PLD1: variants seen among roughly 807,000 people sequenced by gnomAD.
The protein encoded by PLD1 is choline phosphatase 1.
PLD1 carries 112 observed loss-of-function variants against 137.1 expected under a neutral mutation model. The observed-to-expected ratio is 0.82, with a 90% CI of 0.70 to 0.96. The LOEUF (loss-of-function observed/expected upper bound fraction) is 0.96. Ranked by LOEUF, PLD1 falls within the 40% of genes least tolerant of loss-of-function variation. PLD1 has a pLI of 0.00. For synonymous variants in PLD1, 431 were observed against 454.7 expected, an observed-to-expected ratio of 0.95 and a Z score of 0.66; for missense variants, 1,321 against 1,342.0, an observed-to-expected ratio of 0.98 and a Z score of 0.24.
chr3:171,644,963 G>A lies in PLD1; in HGVS notation c.2490C>T (p.Asp830=), dbSNP rs1174672603. The change falls in exon 22 of 27, where the codon GAC becomes GAT. Residue 830 remains aspartate, a synonymous_variant. Coordinates refer to ENST00000351298, the MANE Select transcript of PLD1 (RefSeq NM_002662.5). The part of the protein sequence containing the change: ...VIPLLPGFEG[D]ISTGGGNALQ... ...GAGCATTTCCTCCGCCGGTTGAAAT[G>A]TCTCCTTCGAACCCTGGCAGAAGTG... 1 of 1,613,994 alleles carries A rather than the reference G, an allele frequency of 6.2e-7. No individual in the cohort carries two copies. The highest frequency in any genetic ancestry group is 1.3e-5 in the African/African-American group (1 of 75,020).
intron 23 of PLD1, among the ~76,000 whole-genome samples, chr3:171,638,885 T>C (rs1399675840): frequency 6.6e-6 from 1 of 152,162 alleles, no homozygotes; most frequent in East Asian, 1.9e-4. Flanking sequence ...TCTAATCCAT[T>C]GAGGGCCAGA....
intron 19 of PLD1, among the ~76,000 whole-genome samples, chr3:171,663,066 T>C (rs577554438): frequency 6.6e-6 from 1 of 152,342 alleles, no homozygotes; most frequent in East Asian, 1.9e-4. Context: ...CTGACTTTTT[T>C]CTCTAAACCA....
chr3:171,721,315 A>C (rs1718109545), intron 8 of PLD1: 1 of 152,478 alleles, frequency 6.6e-6, no homozygotes, highest in African/African-American at 2.4e-5. Flanking sequence ...GGATAGAAAG[A>C]AAGAGCAAGG....
intron 22 of PLD1, chr3:171,643,092 G>C (rs1460453659): frequency 2.4e-6 from 1 of 408,974 alleles, no homozygotes; most frequent in Non-Finnish European, 4.3e-6. Context: ...TAGTTGTTTT[G>C]AGGTAGGTAA....
At chr3:171,713,213 A>G (rs1717406591) in intron 9 of PLD1, among the ~76,000 whole-genome samples, 1 of 152,202 alleles carries the variant, frequency 6.6e-6, no homozygotes, top group Non-Finnish European at 1.5e-5. Context: ...TTATCCCAGC[A>G]CTGTGGAAGG....
rs549605657 is a variant in PLD1, at chr3:171,623,846, A to G, written c.2594-3326T>C. Among the ~76,000 whole-genome samples the G allele has an allele frequency of 2.2e-4, 34 of 152,324 alleles. No homozygotes were observed. In the South Asian group the frequency reaches 6.8e-3, roughly 31 times the overall value. ...ACAGTTCCATAGCCACCTGAAAAAG[A>G]TAAAACTCCAAATTTTTTTTAACAA... On this transcript the variant is annotated intron_variant, in intron 23 of 26. Coordinates refer to ENST00000351298, the MANE Select transcript of PLD1 (RefSeq NM_002662.5).
chr3:171,620,742 C>CTATA lies in PLD1; in HGVS notation c.2594-226_2594-223dup, dbSNP rs869115087. Among the ~76,000 whole-genome samples, 401 of 94,700 alleles carry CTATA rather than the reference C, an allele frequency of 4.2e-3. 1 individual carries two copies. Among genetic ancestry groups the CTATA allele is most frequent in the Admixed American group, 5.8e-3 (49 of 8,510 alleles). 62.1% of individuals were successfully genotyped at this position (94,700 alleles called of 152,430 possible). A position where few individuals can be genotyped will look rare whatever the true frequency, so the allele number is the denominator to read the frequency against. On this transcript the variant is annotated intron_variant, in intron 23 of 26. Coordinates refer to ENST00000351298, the MANE Select transcript of PLD1 (RefSeq NM_002662.5). ...TTTCTCTCTCTCTCTCTCTCTCTCT[C>CTATA]TATATATATATATATATATATATAT...
At chr3:171,767,655 A>G (rs769222239) in intron 1 of PLD1, among the ~76,000 whole-genome samples, 1 of 152,208 alleles carries the variant, frequency 6.6e-6, no homozygotes, top group Non-Finnish European at 1.5e-5. Flanking sequence ...ACTTAGGTCA[A>G]TCTAACTTTC....
rs577023438 is a variant in PLD1, at chr3:171,666,678, G to A, written c.2230-4508C>T. 5.3e-5 allele frequency among the ~76,000 whole-genome samples: 8 copies of A among 152,210 alleles called. No homozygotes were observed. In the South Asian group the frequency reaches 1.7e-3, roughly 32 times the overall value. On this transcript the variant is annotated intron_variant, in intron 19 of 26. Transcript: ENST00000351298. ...TCTTGCATTTCTGTTTTAAACCAAT[G>A]TAACTGAGATAACCCTCAAACTGTT...
chr3:171,625,836 C>A (rs1443297686), intron 23 of PLD1, among the ~76,000 whole-genome samples: 1 of 152,062 alleles, frequency 6.6e-6, no homozygotes, highest in African/African-American at 2.4e-5. Flanking sequence ...GACATCCACA[C>A]CAAAAACCCA....
At chr3:171,690,741 A>C (rs4894495) in intron 13 of PLD1, among the ~76,000 whole-genome samples, 1 of 152,068 alleles carries the variant, frequency 6.6e-6, no homozygotes, top group East Asian at 1.9e-4. Context: ...GGACTTACTT[A>C]GCAGCCTAAC....
chr3:171,693,473 T>C (rs1239837220), intron 12 of PLD1, among the ~76,000 whole-genome samples: 1 of 152,034 alleles, frequency 6.6e-6, no homozygotes, highest in Non-Finnish European at 1.5e-5. Flanking sequence ...GCTTGCCCAC[T>C]CATGGATCCC....
rs762700708 is a variant in PLD1 at position 171,612,449 on chromosome 3, T to C, written c.2729-17A>G. On this transcript the variant is annotated splice_polypyrimidine_tract_variant and intron_variant, in intron 24 of 26. Transcript: ENST00000351298. This position sits in a 1 kb window ranked among gnomAD's most constrained non-coding sequence, Gnocchi z 4.1. Reference sequence around the variant, plus strand: ...TGGCAGAGCCTGTAAGGAGAAACAGTGAGGCTGAACAACCTTCCTGTTGTG... The same window carrying C: ...TGGCAGAGCCTGTAAGGAGAAACAGCGAGGCTGAACAACCTTCCTGTTGTG... 1 of 1,612,312 alleles carries C rather than the reference T, an allele frequency of 6.2e-7. No individual in the cohort carries two copies. Among genetic ancestry groups the C allele is most frequent in the East Asian group, 2.2e-5 (1 of 44,854 alleles).
chr3:171,623,312 A>ATTTT (rs760981558), intron 23 of PLD1, among the ~76,000 whole-genome samples: 2 of 138,962 alleles, frequency 1.4e-5, no homozygotes, highest in African/African-American at 2.8e-5. Flanking sequence ...GCCCTATCAG[A>ATTTT]CTTTTTTTTT....
rs1731782619 is a variant in PLD1, at chr3:171,600,743, G to A, written c.*2335C>T. 6.6e-6 allele frequency: 1 copy of A among 151,382 alleles called. No homozygotes were observed. The highest frequency in any genetic ancestry group is 1.5e-5 in the Non-Finnish European group (1 of 67,946). The allele number at this position is 151,382 out of a possible 1,614,324, so 9.4% of individuals were successfully genotyped here. A position where few individuals can be genotyped will look rare whatever the true frequency, so the allele number is the denominator to read the frequency against. ...TAAATCTTATCACCCCTTTGCAGAT[G>A]AGCATCTTGTCTTTGGGAAGATGCA... On this transcript the variant is annotated 3_prime_UTR_variant, in exon 27 of 27. Transcript: ENST00000351298.
At chr3:171,641,187 A>G (rs910895097) in intron 23 of PLD1, among the ~76,000 whole-genome samples, 1 of 152,172 alleles carries the variant, frequency 6.6e-6, no homozygotes, top group African/African-American at 2.4e-5. Flanking sequence ...AGCTGAGAAG[A>G]GGGAGATGGG....
intron 1 of PLD1, chr3:171,789,405 A>C (rs550505012): frequency 2.0e-5 from 3 of 152,370 alleles, no homozygotes; most frequent in Admixed American, 2.0e-4. Flanking sequence ...AAGTTCATGG[A>C]GGGATTTAAG....
intron 18 of PLD1, 91 bp from the exon 19 acceptor site, chr3:171,674,704 G>A: frequency 1.4e-6 from 1 of 710,356 alleles, no homozygotes; most frequent in Non-Finnish European, 2.4e-6. Context: ...ATGCCCAGGT[G>A]CAGTGGCTCA....
intron 3 of PLD1, 59 bp downstream of exon 3, chr3:171,737,473 A>G: frequency 6.9e-7 from 1 of 1,445,360 alleles, no homozygotes. Flanking sequence ...ATGAAAGGCT[A>G]TGTACTAATT....
Sources: gnomAD v4.1 joint callset for allele counts (sites outside exome capture counted in the v4.1 genomes callset) on GRCh38, gnomAD v4.1.1 for gene constraint, Gnocchi (gnomAD v3.1) non-coding constraint, MANE v1.5 for transcripts, NCBI Gene and HGNC (gene_info 2026-07-23, HGNC 2026-07-21) for gene names.